The following EBF1 variants were observed in gnomAD, a reference collection of about 807,000 sequenced individuals.
EBF1 encodes EBF transcription factor 1.
Under a neutral mutation model 68.4 loss-of-function variants are expected in EBF1, and 10 were observed. The ratio of observed to expected loss-of-function variants is 0.15; its 90% CI spans 0.09 to 0.25. The LOEUF (loss-of-function observed/expected upper bound fraction) is 0.25, where lower values mean the gene tolerates loss of function less well. Among genes scored for constraint, EBF1 ranks in the 10% least tolerant of loss-of-function variants. The probability of loss-of-function intolerance (pLI) is 1.00; values close to 1 mark genes in which losing one functional copy is unlikely to be tolerated. For missense variants in EBF1, 509 were observed against 794.4 expected, an observed-to-expected ratio of 0.64 and a Z score of 4.32; for synonymous variants, 298 against 299.8, an observed-to-expected ratio of 0.99 and a Z score of 0.06.
intron 6 of EBF1, among the ~76,000 whole-genome samples, chr5:158,973,073 C>T (rs1755972567): frequency 6.6e-6 from 1 of 152,202 alleles, no homozygotes; most frequent in Admixed American, 6.5e-5. Context: ...CAGAATTCAT[C>T]ACCATTTGAC....
chr5:158,977,384 G>A (rs763781248), intron 6 of EBF1, among the ~76,000 whole-genome samples: 88 of 152,266 alleles, frequency 5.8e-4, no homozygotes, highest in African/African-American at 1.1e-3. Context: ...GAAAGTACAC[G>A]TAAAGGGTTT....
At chr5:158,872,996 ATTTTTTTTTTTT>A (rs539493620) in intron 6 of EBF1, among the ~76,000 whole-genome samples, 12 of 81,122 alleles carry the variant, frequency 1.5e-4, no homozygotes, top group South Asian at 1.3e-3. Flanking sequence ...AATGACACTA[ATTTTTTTTTTTT>A]TTTTTTTTTT....
intron 6 of EBF1, among the ~76,000 whole-genome samples, chr5:158,873,480 A>C (rs777280095): frequency 2.6e-5 from 4 of 152,150 alleles, no homozygotes; most frequent in Non-Finnish European, 5.9e-5. Flanking sequence ...TTCACTTAAT[A>C]TTTTATGTAT....
At chr5:158,840,171 A>C (rs1582428516) in intron 6 of EBF1, 61 bp from the exon 7 acceptor site, 1 of 1,308,192 alleles carries the variant, frequency 7.6e-7, no homozygotes, top group East Asian at 2.3e-5. Flanking sequence ...GGGAAAAAAG[A>C]GGTAAGTCAC....
intron 6 of EBF1, among the ~76,000 whole-genome samples, chr5:158,973,645 G>A (rs1162110188): frequency 1.3e-5 from 2 of 152,176 alleles, no homozygotes; most frequent in Non-Finnish European, 1.5e-5. Flanking sequence ...TAAGTTCCAT[G>A]GGAGCAGGAC....
At chr5:159,029,825 G>T (rs1194355464) in intron 6 of EBF1, among the ~76,000 whole-genome samples, 1 of 151,978 alleles carries the variant, frequency 6.6e-6, no homozygotes, top group African/African-American at 2.4e-5. Context: ...ATGGTAGTGT[G>T]TGCCTGTAGT....
In EBF1 at chr5:158,697,687, T is replaced by C. The variant is rs1041230721; in HGVS notation, c.*1424A>G. ...TGCAAAATACGCAGTAAAATCTTTT[T>C]GTGATATTGAAAAAATGTCTTAAGA... On this transcript the variant is annotated 3_prime_UTR_variant, in exon 16 of 16. Transcript: ENST00000313708. The C allele has an allele frequency of 1.5e-5, 3 of 206,416 alleles. No homozygotes were observed. Among genetic ancestry groups the C allele is most frequent in the African/African-American group, 6.8e-5 (3 of 43,880 alleles). The allele number at this position is 206,416 out of a possible 1,614,324, so 12.8% of individuals were successfully genotyped here.
intron 13 of EBF1, among the ~76,000 whole-genome samples, chr5:158,712,758 G>A (rs943229844): frequency 5.3e-5 from 8 of 152,152 alleles, no homozygotes; most frequent in Non-Finnish European, 1.0e-4. Flanking sequence ...GTAGAGAGAT[G>A]GCTAAATGCA....
At chr5:158,820,196 G>A (rs911935933) in intron 8 of EBF1, among the ~76,000 whole-genome samples, 19 of 151,818 alleles carry the variant, frequency 1.3e-4, no homozygotes, top group African/African-American at 4.1e-4. Flanking sequence ...GGGGGAGAAC[G>A]TAGGTTCCCA....
chr5:158,946,918 A>G (rs1035169460), intron 6 of EBF1, among the ~76,000 whole-genome samples: 1 of 152,234 alleles, frequency 6.6e-6, no homozygotes, highest in Admixed American at 6.5e-5. Context: ...CGGTCTGGCT[A>G]CAGCGGCTCT....
chr5:158,842,868 G>A (rs1262382806), intron 6 of EBF1, among the ~76,000 whole-genome samples: 1 of 152,182 alleles, frequency 6.6e-6, no homozygotes, highest in Non-Finnish European at 1.5e-5. Context: ...TCCAAAGCTA[G>A]GAAGTGTGAA....
chr5:158,775,828 A>T (rs999757665), intron 10 of EBF1, among the ~76,000 whole-genome samples: 2 of 138,250 alleles, frequency 1.4e-5, no homozygotes, highest in Non-Finnish European at 3.1e-5. Flanking sequence ...ACACACACAC[A>T]CTGCTATGTG....
chr5:158,982,203 A>G (rs1400553492), intron 6 of EBF1, among the ~76,000 whole-genome samples: 1 of 152,252 alleles, frequency 6.6e-6, no homozygotes. Flanking sequence ...CCTAGGTCAA[A>G]TAGATAAATG....
At chr5:158,956,479 G>GCA (rs149445763) in intron 6 of EBF1, among the ~76,000 whole-genome samples, 1,574 of 149,826 alleles carry the variant, frequency 0.011, 26 homozygotes, top group African/African-American at 0.037. Flanking sequence ...ACACACACAC[G>GCA]CACACACACA....
rs541757943 is a variant in EBF1, at chr5:158,842,448, A to C, written c.555-2338T>G. ...CCCCAGGAGAGGGCTGATTATCACT[A>C]AACTGACAACAAGAGTGGGTGTGAT... is the stretch of plus-strand genomic sequence containing the variant. On this transcript the variant is annotated intron_variant, in intron 6 of 15. Transcript: ENST00000313708. Among the ~76,000 whole-genome samples, 16 of 152,330 alleles carry C rather than the reference A, an allele frequency of 1.1e-4. No individual in the cohort carries two copies. In the South Asian group the frequency reaches 3.3e-3, roughly 32 times the overall value.
intron 6 of EBF1, among the ~76,000 whole-genome samples, chr5:159,020,880 A>G (rs1440672880): frequency 6.6e-6 from 1 of 152,262 alleles, no homozygotes; most frequent in Non-Finnish European, 1.5e-5. Context: ...TATTTAATTT[A>G]TACAATGAAG....
At chr5:158,780,512 T>A (rs967005489) in intron 9 of EBF1, among the ~76,000 whole-genome samples, 1 of 152,216 alleles carries the variant, frequency 6.6e-6, no homozygotes, top group Non-Finnish European at 1.5e-5. Flanking sequence ...ATTATCTTTT[T>A]ATTTAAAAAA....
chr5:159,002,226 A>C (rs1343622874), intron 6 of EBF1, among the ~76,000 whole-genome samples: 2 of 151,862 alleles, frequency 1.3e-5, no homozygotes, highest in Non-Finnish European at 2.9e-5. Flanking sequence ...AAGTACAAAA[A>C]TAATCATTTC....
intron 10 of EBF1, among the ~76,000 whole-genome samples, chr5:158,776,380 A>G (rs1464685755): frequency 6.6e-6 from 1 of 152,160 alleles, no homozygotes; most frequent in Non-Finnish European, 1.5e-5. Context: ...ATATTGAAAT[A>G]CAAGGGAAAG....
Sources: gnomAD v4.1 joint callset for allele counts (sites outside exome capture counted in the v4.1 genomes callset) on GRCh38, gnomAD v4.1.1 for gene constraint, MANE v1.5 for transcripts, NCBI Gene and HGNC (gene_info 2026-07-23, HGNC 2026-07-21) for gene names.